The following LINGO1 variants were observed in gnomAD, a reference collection of about 807,000 sequenced individuals.
LINGO1 encodes the protein leucine rich repeat and Ig domain containing 1.
In LINGO1, 11 loss-of-function variants were observed where a neutral mutation model predicts 37.3. That is an observed-to-expected ratio of 0.29 (90% confidence interval 0.19 to 0.49). The LOEUF (loss-of-function observed/expected upper bound fraction) is 0.49. LINGO1 is among the 20% of genes least tolerant of loss of function. LINGO1 has a pLI of 0.99. For synonymous variants in LINGO1, 387 were observed against 403.0 expected (o/e 0.96, Z 0.48); for missense variants, 585 against 878.2 (o/e 0.67, Z 4.22).
intron 3 of LINGO1, among the ~76,000 whole-genome samples, chr15:77,655,890 T>C (rs2074854289): frequency 6.6e-6 from 1 of 152,216 alleles, no homozygotes; most frequent in African/African-American, 2.4e-5. Context: ...CTCTGTGTAG[T>C]TTCCTGTTCT....
At position 77,736,939 on chromosome 15, in the gene LINGO1, T is replaced by C. The variant is rs112713255; in HGVS notation, c.-256-1886A>G. ...GTTCCAGCATGTTTTCCTAACGGAC[T>C]GTCACAGCTGAGCTTTCATGGTGCT... On this transcript the variant is annotated intron_variant, in intron 1 of 3. Transcript: ENST00000561686. 1.4e-4 allele frequency among the ~76,000 whole-genome samples: 21 copies of C among 152,338 alleles called. 1 individual carries two copies. The highest frequency in any genetic ancestry group is 4.6e-4 in the African/African-American group (19 of 41,588).
chr15:77,669,368 A>G (rs1350600525), intron 3 of LINGO1, among the ~76,000 whole-genome samples: 2 of 152,196 alleles, frequency 1.3e-5, no homozygotes, highest in East Asian at 3.8e-4. Flanking sequence ...CTTCAGCAAG[A>G]GCACAGAGCC....
intron 3 of LINGO1, among the ~76,000 whole-genome samples, chr15:77,664,988 G>C (rs910481538): frequency 1.3e-5 from 2 of 152,106 alleles, no homozygotes. Context: ...ACAGAGGCAT[G>C]CTTGTACACA....
intron 1 of LINGO1, among the ~76,000 whole-genome samples, chr15:77,768,273 C>T (rs1422529490): frequency 1.7e-5 from 1 of 57,490 alleles, no homozygotes. Context: ...GATGCAGGGT[C>T]CCCGGGCAGA....
At chr15:77,682,846 G>A (rs1206597794) in intron 2 of LINGO1, among the ~76,000 whole-genome samples, 1 of 152,014 alleles carries the variant, frequency 6.6e-6, no homozygotes, top group Non-Finnish European at 1.5e-5. Flanking sequence ...CAGGCCAGAC[G>A]CGAAACTCCG....
intron 2 of LINGO1, among the ~76,000 whole-genome samples, chr15:77,726,179 G>A (rs538843786): frequency 6.6e-6 from 1 of 152,256 alleles, no homozygotes; most frequent in African/African-American, 2.4e-5. Flanking sequence ...TGACCCTTTG[G>A]GCTGTTGACT....
chr15:77,794,014 C>T (rs2076837987), intron 2 of LINGO1, among the ~76,000 whole-genome samples: 1 of 152,186 alleles, frequency 6.6e-6, no homozygotes, highest in South Asian at 2.1e-4. Flanking sequence ...GGCCCTCCTG[C>T]CCTGCGTCAG....
intron 3 of LINGO1, among the ~76,000 whole-genome samples, chr15:77,665,748 C>T (rs75312415): frequency 2.0e-5 from 3 of 152,366 alleles, no homozygotes; most frequent in Admixed American, 6.5e-5. Flanking sequence ...GACCCGCCTC[C>T]AGGCTGCCCT....
chr15:77,780,042 G>A (rs895496522), intron 1 of LINGO1, among the ~76,000 whole-genome samples: 6 of 152,220 alleles, frequency 3.9e-5, no homozygotes, highest in Non-Finnish European at 7.3e-5. Context: ...CAGCCCAGGG[G>A]GCTGGGGACA....
chr15:77,787,683 G>A (rs79730141), upstream of LINGO1, among the ~76,000 whole-genome samples: 163 of 152,170 alleles, frequency 1.1e-3, 1 homozygote, highest in African/African-American at 2.1e-3. Context: ...ACACGAGGCC[G>A]GTGTGCCCAT....
chr15:77,787,667 C>T (rs1475378996), upstream of LINGO1, among the ~76,000 whole-genome samples: 1 of 152,154 alleles, frequency 6.6e-6, no homozygotes, highest in Admixed American at 6.5e-5. Context: ...TTTGCCACCC[C>T]ATCCCACACG....
chr15:77,626,194 G>GCCACTT (rs2074084788), intron 1 of LINGO1, among the ~76,000 whole-genome samples: 2 of 151,888 alleles, frequency 1.3e-5, no homozygotes, highest in African/African-American at 4.9e-5. Flanking sequence ...CATCCCAACC[G>GCCACTT]CGGCCACTTT....
intron 3 of LINGO1, among the ~76,000 whole-genome samples, chr15:77,661,228 C>A (rs1367245990): frequency 2.0e-5 from 3 of 152,234 alleles, no homozygotes; most frequent in Non-Finnish European, 4.4e-5. Context: ...GACAGAGAGA[C>A]CTTTGGATTG....
chr15:77,683,902 C>T (rs954498915), intron 2 of LINGO1, among the ~76,000 whole-genome samples: 1 of 152,094 alleles, frequency 6.6e-6, no homozygotes, highest in East Asian at 1.9e-4. Flanking sequence ...TTCAAATTCC[C>T]TGGCGTGGCA....
chr15:77,682,925 C>A (rs1302944952), intron 2 of LINGO1, among the ~76,000 whole-genome samples: 1 of 152,052 alleles, frequency 6.6e-6, no homozygotes, highest in African/African-American at 2.4e-5. Context: ...ACCAAAGATA[C>A]CACAGACAAA....
chr15:77,780,523 T>C (rs949989199), intron 1 of LINGO1, among the ~76,000 whole-genome samples: 1 of 152,076 alleles, frequency 6.6e-6, no homozygotes, highest in Non-Finnish European at 1.5e-5. Context: ...TGCGGAACAT[T>C]AAACCAAATA....
At chr15:77,690,105 G>T (rs67965873) in intron 2 of LINGO1, among the ~76,000 whole-genome samples, 12,527 of 152,140 alleles carry the variant, frequency 0.082, 585 homozygotes, top group Middle Eastern at 0.13. Flanking sequence ...TTCCCTAGTT[G>T]GGGAGGGGTC....
At chr15:77,647,616 C>T (rs1253195730) in intron 3 of LINGO1, among the ~76,000 whole-genome samples, 1 of 152,186 alleles carries the variant, frequency 6.6e-6, no homozygotes, top group Non-Finnish European at 1.5e-5. Flanking sequence ...GGTGGGCCTG[C>T]TGGCAGCTGG....
At chr15:77,794,618 C>T (rs563882086) in intron 2 of LINGO1, among the ~76,000 whole-genome samples, 8 of 139,274 alleles carry the variant, frequency 5.7e-5, no homozygotes, top group Non-Finnish European at 9.1e-5. Flanking sequence ...GACGGAGTCT[C>T]GCTCTGTCGC....
Sources: allele counts gnomAD v4.1 joint callset (sites outside exome capture counted in the v4.1 genomes callset), GRCh38; gene constraint gnomAD v4.1.1; transcripts MANE v1.5; gene names NCBI Gene and HGNC (gene_info 2026-07-23, HGNC 2026-07-21).